Variants in ARFGEF3 observed in about 807,000 individuals in gnomAD.
ARFGEF3 encodes the protein brefeldin A-inhibited guanine nucleotide-exchange protein 3.
ARFGEF3 carries 96 observed loss-of-function variants against 221.7 expected under a neutral mutation model. The ratio of observed to expected loss-of-function variants is 0.43; its 90% confidence interval spans 0.37 to 0.51. The LOEUF is 0.51. ARFGEF3 is among the 20% of genes least tolerant of loss of function. The pLI, the probability that ARFGEF3 is intolerant of heterozygous loss-of-function variation, is 0.00. For missense variants in ARFGEF3, 2,410 were observed against 2,789.9 expected (o/e 0.86, Z 3.07); for synonymous variants, 1,145 against 1,126.8 (o/e 1.02, Z -0.32).
intron 5 of ARFGEF3, among the ~76,000 whole-genome samples, chr6:138,236,085 G>T (rs1251357578): frequency 6.6e-6 from 1 of 152,192 alleles, no homozygotes; most frequent in East Asian, 1.9e-4. Context: ...ATAAAATCCA[G>T]TTCCTCATGC....
chr6:138,255,796 A>T, intron 10 of ARFGEF3, 27 bp downstream of exon 10: 1 of 1,473,060 alleles, frequency 6.8e-7, no homozygotes. Flanking sequence ...GATCGCCACC[A>T]GGTTTACAAG....
rs1217277973 is a variant in ARFGEF3, at chr6:138,253,825, CT to C, written c.666-52del. 7 of 1,399,932 alleles carry C rather than the reference CT, an allele frequency of 5.0e-6. No individual in the cohort carries two copies. In the East Asian group the frequency reaches 1.5e-4, roughly 30 times the overall value. 86.7% of individuals were successfully genotyped at this position (1,399,932 alleles called of 1,614,324 possible). Reference sequence around the variant, plus strand: ...CCGAGCGTGTTTCCACACATCACCTCTTTAATTTTGCCTTGTCTTTTGTCTG... The same window carrying C: ...CCGAGCGTGTTTCCACACATCACCTCTTAATTTTGCCTTGTCTTTTGTCTG... On this transcript the variant is annotated intron_variant, in intron 8 of 33. Coordinates refer to ENST00000251691, the MANE Select transcript of ARFGEF3 (RefSeq NM_020340.5).
rs1421720177 is a variant in ARFGEF3, at chr6:138,262,876, GC to G, written c.1394del (p.Ala465ValfsTer84). 6.2e-7 allele frequency: 1 copy of G among 1,613,706 alleles called. No homozygotes were observed. Among genetic ancestry groups the G allele is most frequent in the African/African-American group, 1.3e-5 (1 of 74,954 alleles). ...LLRLEELKDG[A>X]EWSRDSMEIN... is the part of the protein sequence containing the mutation. ...GCGCCTTGAGGAGCTGAAGGATGGGGCTGAGTGGAGCCGAGATTCCATGGAG... is the reference window on the plus strand; with the variant it reads ...GCGCCTTGAGGAGCTGAAGGATGGGGTGAGTGGAGCCGAGATTCCATGGAG... On this transcript the variant is annotated frameshift_variant, in exon 12 of 34. Transcript: ENST00000251691. LOFTEE classifies it high-confidence loss of function.
chr6:138,255,372 T>A (rs1778655948), intron 9 of ARFGEF3, 64 bp from the exon 10 acceptor site: 7 of 1,221,528 alleles, frequency 5.7e-6, no homozygotes, highest in Non-Finnish European at 8.2e-6. Context: ...ATCTGTTTAC[T>A]CGCAGAGTAA....
At chr6:138,320,009 GAAC>G (rs1225149577) in intron 28 of ARFGEF3, 130 bp downstream of exon 28, 10 of 756,112 alleles carry the variant, frequency 1.3e-5, no homozygotes, top group Non-Finnish European at 2.2e-5. Context: ...TATTAAAATA[GAAC>G]AACATGGTCA....
At chr6:138,322,252 C>T (rs946829484) in intron 29 of ARFGEF3, among the ~76,000 whole-genome samples, 1 of 152,154 alleles carries the variant, frequency 6.6e-6, no homozygotes, top group African/African-American at 2.4e-5. Flanking sequence ...TTACATCTCC[C>T]CGTTCTCAGG....
At position 138,218,502 on chromosome 6, in the gene ARFGEF3, G is replaced by A. The variant is rs149844213; in HGVS notation, c.351+8461G>A. On this transcript the variant is annotated intron_variant, in intron 4 of 33. Coordinates refer to ENST00000251691, the MANE Select transcript of ARFGEF3 (RefSeq NM_020340.5). Reference sequence around the variant, plus strand: ...GATATATTTAAGGTCCTAACCATCAGCCATGATTCCACAATCTAAGGAAAA... The same window carrying A: ...GATATATTTAAGGTCCTAACCATCAACCATGATTCCACAATCTAAGGAAAA... 1.8e-4 allele frequency: 261 copies of A among 1,433,638 alleles called. No individual in the cohort carries two copies. In the African/African-American group the frequency reaches 3.4e-3, roughly 19 times the overall value. 88.8% of individuals were successfully genotyped at this position (1,433,638 alleles called of 1,614,324 possible).
At chr6:138,252,702 AAG>A (rs934009090) in intron 8 of ARFGEF3, among the ~76,000 whole-genome samples, 2 of 152,234 alleles carry the variant, frequency 1.3e-5, no homozygotes, top group African/African-American at 2.4e-5. Flanking sequence ...AATTAGGAGA[AAG>A]AGACATAACC....
At chr6:138,278,084 G>A (rs1779130602) in intron 12 of ARFGEF3, among the ~76,000 whole-genome samples, 1 of 152,184 alleles carries the variant, frequency 6.6e-6, no homozygotes. Context: ...GGGTGAGGTT[G>A]GAGTTTTATT....
intron 2 of ARFGEF3, among the ~76,000 whole-genome samples, chr6:138,191,187 A>T (rs1042796656): frequency 6.6e-6 from 1 of 152,112 alleles, no homozygotes; most frequent in Admixed American, 6.5e-5. Flanking sequence ...TCTAACTTTC[A>T]CAGTAGAGTT....
chr6:138,171,589 C>CT lies in ARFGEF3; in HGVS notation c.137+876_137+877insT, dbSNP rs966083746. Among the ~76,000 whole-genome samples the CT allele has an allele frequency of 1.1e-4, 15 of 139,982 alleles. 1 individual carries two copies. The highest frequency in any genetic ancestry group is 2.8e-4 in the Admixed American group (4 of 14,196). 91.8% of individuals were successfully genotyped at this position (139,982 alleles called of 152,430 possible). A position where few individuals can be genotyped will look rare whatever the true frequency, so the allele number is the denominator to read the frequency against. Reference sequence around the variant, plus strand: ...ACCCTCACTGGGAGAGAAATGCCTGCCTCTGTAGAAAAATTGGAAAGAACA... The same window carrying CT: ...ACCCTCACTGGGAGAGAAATGCCTGCTCTCTGTAGAAAAATTGGAAAGAACA... On this transcript the variant is annotated intron_variant, in intron 2 of 33. Coordinates refer to ENST00000251691, the MANE Select transcript of ARFGEF3 (RefSeq NM_020340.5).
chr6:138,287,820 A>G (rs771950628), intron 17 of ARFGEF3, among the ~76,000 whole-genome samples: 1 of 152,224 alleles, frequency 6.6e-6, no homozygotes, highest in Non-Finnish European at 1.5e-5. Flanking sequence ...ACTATCAGAT[A>G]TGTACAGTAA....
intron 8 of ARFGEF3, among the ~76,000 whole-genome samples, chr6:138,248,771 G>A (rs1453815499): frequency 6.6e-6 from 1 of 152,164 alleles, no homozygotes; most frequent in Non-Finnish European, 1.5e-5. Flanking sequence ...GGTTGCATGA[G>A]CTGAGACTGC....
chr6:138,225,884 G>C (rs1778074244), intron 4 of ARFGEF3, among the ~76,000 whole-genome samples: 1 of 152,156 alleles, frequency 6.6e-6, no homozygotes. Context: ...TGAGAAGACA[G>C]GCTTAAAGGT....
At chr6:138,299,198 T>TAAAAAAAAAAAAA (rs60475752) in intron 22 of ARFGEF3, among the ~76,000 whole-genome samples, 1 of 39,424 alleles carries the variant, frequency 2.5e-5, no homozygotes, top group African/African-American at 6.4e-5. Context: ...CGAGACTCTG[T>TAAAAAAAAAAAAA]AAAAAAAAAA....
chr6:138,213,524 A>G (rs1220962468), intron 4 of ARFGEF3, among the ~76,000 whole-genome samples: 2 of 151,572 alleles, frequency 1.3e-5, no homozygotes, highest in Admixed American at 6.6e-5. Context: ...TATTCCTCCA[A>G]CTTAACTATA....
intron 3 of ARFGEF3, 49 bp from the exon 4 acceptor site, chr6:138,209,861 G>GCTCTCCC (rs745868206): frequency 1.3e-6 from 2 of 1,598,240 alleles, no homozygotes; most frequent in Non-Finnish European, 1.7e-6. Flanking sequence ...ACCAAATAAG[G>GCTCTCCC]CAGCAGGGGA....
At chr6:138,260,170 G>C (rs59938677) in intron 10 of ARFGEF3, among the ~76,000 whole-genome samples, 4,337 of 152,230 alleles carry the variant, frequency 0.028, 235 homozygotes, top group African/African-American at 0.1. Flanking sequence ...CCCCAGCCTT[G>C]TCACTCTTTT....
At chr6:138,256,323 G>GGTTA (rs1339999355) in intron 10 of ARFGEF3, among the ~76,000 whole-genome samples, 1 of 152,066 alleles carries the variant, frequency 6.6e-6, no homozygotes, top group Admixed American at 6.5e-5. Context: ...GCAGAATTAG[G>GGTTA]GTTATTCTGA....
Sources: allele counts gnomAD v4.1 joint callset (sites outside exome capture counted in the v4.1 genomes callset), GRCh38; gene constraint gnomAD v4.1.1; transcripts MANE v1.5; gene names NCBI Gene and HGNC (gene_info 2026-07-23, HGNC 2026-07-21).